Variants in SLC6A2 observed in about 807,000 individuals in gnomAD.
SLC6A2 encodes the protein solute carrier family 6 member 2, also known as sodium-dependent noradrenaline transporter.
A neutral mutation model predicts 71.7 loss-of-function variants in SLC6A2; 26 were observed. That is an observed-to-expected ratio of 0.36 (90% CI 0.27 to 0.50). The LOEUF (loss-of-function observed/expected upper bound fraction) is 0.50, where lower values mean the gene tolerates loss of function less well. Among genes scored for constraint, SLC6A2 ranks in the 20% least tolerant of loss-of-function variants. The probability of loss-of-function intolerance (pLI) is 0.96; values close to 1 mark genes in which losing one functional copy is unlikely to be tolerated. For missense variants in SLC6A2, 581 were observed against 803.9 expected, an observed-to-expected ratio of 0.72 and a Z score of 3.35; for synonymous variants, 363 against 337.9, an observed-to-expected ratio of 1.07 and a Z score of -0.82.
intron 4 of SLC6A2, among the ~76,000 whole-genome samples, chr16:55,678,607 G>C (rs3785151): frequency 0.27 from 41,579 of 151,996 alleles, 8,595 homozygotes; most frequent in African/African-American, 0.59. Context: ...GTAACTTTAT[G>C]TGTAAAAGGC....
intron 5 of SLC6A2, among the ~76,000 whole-genome samples, chr16:55,687,739 G>A (rs979813170): frequency 6.6e-6 from 1 of 152,340 alleles, no homozygotes; most frequent in Non-Finnish European, 1.5e-5. Flanking sequence ...TGCACCCCAA[G>A]ATTGGGTTCC....
chr16:55,700,341 G>C, intron 13 of SLC6A2, 35 bp downstream of exon 13: 1 of 1,528,814 alleles, frequency 6.5e-7, no homozygotes, highest in Non-Finnish European at 9.0e-7. Context: ...AACAGGGTGG[G>C]AGGGGGCTGA....
intron 13 of SLC6A2, among the ~76,000 whole-genome samples, chr16:55,701,642 G>T (rs945464239): frequency 4.6e-5 from 7 of 152,248 alleles, no homozygotes; most frequent in Admixed American, 6.5e-5. Flanking sequence ...CTAGCCCCAT[G>T]TCTGACCACA....
chr16:55,701,809 C>T (rs556989410), intron 13 of SLC6A2, 54 bp from the exon 14 acceptor site: 61 of 1,406,900 alleles, frequency 4.3e-5, no homozygotes, highest in Admixed American at 2.2e-4. Flanking sequence ...GCCAGGCTGC[C>T]AGAAGGGTGT....
In SLC6A2 at chr16:55,672,083, C is replaced by T. The variant is rs149404215; in HGVS notation, c.552C>T (p.Asn184=). Residue 184 remains asparagine, a synonymous_variant, in exon 4 of 15, where the codon AAC becomes AAT. Coordinates refer to ENST00000568943, the MANE Select transcript of SLC6A2 (RefSeq NM_001172501.3). Reference sequence around the variant, plus strand: ...GTGGCCACACCTGGAACAGCCCCAACTGTACCGACCCCAAGCTCCTCAATG... The same window carrying T: ...GTGGCCACACCTGGAACAGCCCCAATTGTACCGACCCCAAGCTCCTCAATG... ...TDCGHTWNSP[N]CTDPKLLNGS... 7.4e-6 allele frequency: 12 copies of T among 1,614,244 alleles called. No individual in the cohort carries two copies. Among genetic ancestry groups the T allele is most frequent in the African/African-American group, 1.3e-5 (1 of 75,068 alleles).
chr16:55,671,876 A>T, intron 3 of SLC6A2, 62 bp from the exon 4 acceptor site: 1 of 1,611,318 alleles, frequency 6.2e-7, no homozygotes, highest in Non-Finnish European at 8.5e-7. Context: ...GCCACACCCA[A>T]GGAGAGGTGG....
intron 3 of SLC6A2, among the ~76,000 whole-genome samples, chr16:55,670,749 A>T (rs1489414538): frequency 6.6e-6 from 1 of 152,232 alleles, no homozygotes; most frequent in Non-Finnish European, 1.5e-5. Flanking sequence ...GTCCCAGAGA[A>T]GATTCTCATT....
At position 55,690,324 on chromosome 16, in the gene SLC6A2, G is replaced by A. The variant is rs551354846; in HGVS notation, c.784-1594G>A. Reference sequence around the variant, plus strand: ...GCTCATGATCTAGTGGGAAAGACAAGTAAAGAAAGAGGATAAATCCCCATC... The same window carrying A: ...GCTCATGATCTAGTGGGAAAGACAAATAAAGAAAGAGGATAAATCCCCATC... On this transcript the variant is annotated intron_variant, in intron 5 of 14. Coordinates refer to ENST00000568943, the MANE Select transcript of SLC6A2 (RefSeq NM_001172501.3). 5.3e-5 allele frequency among the ~76,000 whole-genome samples: 8 copies of A among 152,298 alleles called. 1 individual carries two copies. In the South Asian group the frequency reaches 1.7e-3, roughly 32 times the overall value.
At chr16:55,663,724 G>T (rs1171714118) in intron 2 of SLC6A2, among the ~76,000 whole-genome samples, 4 of 152,030 alleles carry the variant, frequency 2.6e-5, no homozygotes, top group Non-Finnish European at 4.4e-5. Context: ...GTAACATTGG[G>T]GCACGTTAGG....
At chr16:55,695,470 G>A in intron 8 of SLC6A2, 68 bp downstream of exon 8, 1 of 1,558,004 alleles carries the variant, frequency 6.4e-7, no homozygotes, top group Non-Finnish European at 8.8e-7. Flanking sequence ...CTTATTCTTG[G>A]CTGCATGGCT....
At chr16:55,661,359 A>T (rs144153756) in intron 2 of SLC6A2, among the ~76,000 whole-genome samples, 2 of 152,094 alleles carry the variant, frequency 1.3e-5, no homozygotes, top group Admixed American at 1.3e-4. Flanking sequence ...TAGACAAATC[A>T]CTCACCTTTG....
At chr16:55,700,050 C>A in intron 12 of SLC6A2, 89 bp from the exon 13 acceptor site, 1 of 1,111,472 alleles carries the variant, frequency 9.0e-7, no homozygotes, top group East Asian at 2.4e-5. Context: ...TCATTTCTCT[C>A]CCACCTTTCT....
At chr16:55,690,311 G>C (rs1398215091) in intron 5 of SLC6A2, among the ~76,000 whole-genome samples, 4 of 152,220 alleles carry the variant, frequency 2.6e-5, no homozygotes, top group Non-Finnish European at 5.9e-5. Context: ...TCATGATCTA[G>C]TGGGAAAGAC....
chr16:55,680,455 C>T (rs1274025438), intron 4 of SLC6A2, among the ~76,000 whole-genome samples: 2 of 152,202 alleles, frequency 1.3e-5, no homozygotes, highest in East Asian at 3.9e-4. Flanking sequence ...ACTTGGAATC[C>T]GATGTTCGAG....
At chr16:55,698,134 C>A (rs1965857742) in intron 10 of SLC6A2, 109 bp downstream of exon 10, 1 of 1,205,576 alleles carries the variant, frequency 8.3e-7, no homozygotes, top group Admixed American at 1.7e-5. Flanking sequence ...GAGAACAATG[C>A]AGGATCCAGC....
At chr16:55,671,750 C>T in intron 3 of SLC6A2, 188 bp from the exon 4 acceptor site, 1 of 1,300,672 alleles carries the variant, frequency 7.7e-7, no homozygotes, top group Admixed American at 2.7e-5. Context: ...ACTACCCCCA[C>T]CCCAAAATCT....
At chr16:55,679,556 G>A (rs369041421) in intron 4 of SLC6A2, among the ~76,000 whole-genome samples, 5 of 152,278 alleles carry the variant, frequency 3.3e-5, no homozygotes, top group East Asian at 1.9e-4. Context: ...ATATGCGTAC[G>A]CCCTGCCACC....
intron 12 of SLC6A2, 141 bp downstream of exon 12, chr16:55,699,795 C>A: frequency 1.4e-6 from 1 of 728,370 alleles, no homozygotes; most frequent in Non-Finnish European, 2.5e-6. Context: ...ACTTGGGATG[C>A]TTGGCCCTGT....
chr16:55,664,240 C>T (rs887204562), intron 2 of SLC6A2, among the ~76,000 whole-genome samples: 7 of 152,276 alleles, frequency 4.6e-5, no homozygotes, highest in Non-Finnish European at 1.0e-4. Flanking sequence ...TTCCCTAAAT[C>T]TCTTCACTGC....
Sources: gnomAD v4.1 joint callset for allele counts (sites outside exome capture counted in the v4.1 genomes callset) on GRCh38, gnomAD v4.1.1 for gene constraint, MANE v1.5 for transcripts, NCBI Gene and HGNC (gene_info 2026-07-23, HGNC 2026-07-21) for gene names.